Variants in MGRN1 observed in about 807,000 individuals in gnomAD.
The protein encoded by MGRN1 is mahogunin ring finger 1.
Under a neutral mutation model 69.2 loss-of-function variants are expected in MGRN1, and 29 were observed. The ratio of observed to expected loss-of-function variants is 0.42; its 90% CI spans 0.31 to 0.57. MGRN1 has a LOEUF of 0.57. MGRN1 is among the 20% of genes least tolerant of loss of function. The pLI is 0.15. For missense variants in MGRN1, 998 were observed against 796.2 expected, an observed-to-expected ratio of 1.25 and a Z score of -3.05; for synonymous variants, 470 against 344.2, an observed-to-expected ratio of 1.37 and a Z score of -4.04.
chr16:4,645,284 A>C (rs2078250937), intron 1 of MGRN1, among the ~76,000 whole-genome samples: 2 of 151,980 alleles, frequency 1.3e-5, no homozygotes, highest in Admixed American at 1.3e-4. Flanking sequence ...TGCCTCAGTG[A>C]GTGTCCTGAG....
chr16:4,632,683 C>T (rs573104523), intron 1 of MGRN1, among the ~76,000 whole-genome samples: 47 of 152,244 alleles, frequency 3.1e-4, no homozygotes, highest in African/African-American at 1.0e-3. Context: ...CATGAGCCAC[C>T]GTGCCGGGAC....
chr16:4,655,494 C>T (rs532388865), intron 4 of MGRN1, among the ~76,000 whole-genome samples: 74 of 152,084 alleles, frequency 4.9e-4, no homozygotes, highest in African/African-American at 1.6e-3. Context: ...GCCACTGTCC[C>T]CCTCTGTCAG....
At chr16:4,638,473 A>G (rs1355527220) in intron 1 of MGRN1, among the ~76,000 whole-genome samples, 2 of 151,544 alleles carry the variant, frequency 1.3e-5, no homozygotes, top group African/African-American at 4.9e-5. Flanking sequence ...TCAAAAAAAA[A>G]AATAAATAAA....
At chr16:4,631,574 T>G (rs914120358) in intron 1 of MGRN1, among the ~76,000 whole-genome samples, 1 of 152,228 alleles carries the variant, frequency 6.6e-6, no homozygotes, top group Non-Finnish European at 1.5e-5. Context: ...TCCATAGTGC[T>G]TAGACTGAGA....
At chr16:4,629,376 C>T (rs1421542446) in intron 1 of MGRN1, among the ~76,000 whole-genome samples, 1 of 152,056 alleles carries the variant, frequency 6.6e-6, no homozygotes, top group Non-Finnish European at 1.5e-5. Flanking sequence ...TTTTGAAGAG[C>T]AAAAGTTTTG....
intron 8 of MGRN1, 101 bp from the exon 9 acceptor site, chr16:4,671,290 G>A (rs762995812): frequency 1.1e-5 from 13 of 1,152,394 alleles, no homozygotes; most frequent in African/African-American, 9.1e-5. Flanking sequence ...CCCCTGGTAT[G>A]GAAGCCTGGT....
rs1317937317 is a variant in MGRN1 at position 4,673,492 on chromosome 16, C to T, written c.796-6C>T. ...GCTGCTGACCCACAAGCCCTTGTCC[C>T]GGCAGCCCTCGGACGACGAGAACAG... On this transcript the variant is annotated splice_region_variant and splice_polypyrimidine_tract_variant and intron_variant, in intron 9 of 16. Coordinates refer to ENST00000262370, the MANE Select transcript of MGRN1 (RefSeq NM_015246.4). 29 of 1,610,938 alleles carry T rather than the reference C, an allele frequency of 1.8e-5. No individual in the cohort carries two copies. Among genetic ancestry groups the T allele is most frequent in the East Asian group, 2.2e-5 (1 of 44,890 alleles).
At position 4,688,842 on chromosome 16, in the gene MGRN1, C is replaced by G; in HGVS notation, c.1665C>G (p.Ser555Arg). 6 of 1,554,694 alleles carry G rather than the reference C, an allele frequency of 3.9e-6. No individual in the cohort carries two copies. Among genetic ancestry groups the G allele is most frequent in the Non-Finnish European group, 5.2e-6 (6 of 1,148,822 alleles). ...CGGCCCACGGCCTCGCCACCACCAGCCCCACCTGGCCTCCACTTGGTGGCC... is the reference window on the plus strand; with the variant it reads ...CGGCCCACGGCCTCGCCACCACCAGGCCCACCTGGCCTCCACTTGGTGGCC... ...METAHGLATT[S>R]PTWPPLGGPS... Residue 555 changes from serine (S) to arginine (R), a missense_variant, in exon 17 of 17, where the codon AGC becomes AGG. Transcript: ENST00000262370.
At chr16:4,625,178 T>G in intron 1 of MGRN1, 130 bp downstream of exon 1, 1 of 890,614 alleles carries the variant, frequency 1.1e-6, no homozygotes, top group Middle Eastern at 3.7e-4. Context: ...ACCCCGAGCC[T>G]TCGCGCGGCC....
At chr16:4,683,077 GC>G in intron 14 of MGRN1, 131 bp downstream of exon 14, 1 of 1,492,480 alleles carries the variant, frequency 6.7e-7, no homozygotes, top group Non-Finnish European at 9.1e-7. Context: ...GCTGAGCTGC[GC>G]GGCTCCTTAG....
Position 4,657,226 on chromosome 16 carries a change from T to C in MGRN1, c.444-20T>C. ...CCTCTTCCTGCCGCAGCCTCACTGC[T>C]TGCTCCTGGCTCCCTGCAGATACAG... On this transcript the variant is annotated intron_variant, in intron 4 of 16. Coordinates refer to ENST00000262370, the MANE Select transcript of MGRN1 (RefSeq NM_015246.4). 1.2e-6 allele frequency: 2 copies of C among 1,609,122 alleles called. No homozygotes were observed. Among genetic ancestry groups the C allele is most frequent in the Non-Finnish European group, 8.5e-7 (1 of 1,175,784 alleles).
chr16:4,668,340 C>T, intron 8 of MGRN1, 28 bp downstream of exon 8: 1 of 1,611,706 alleles, frequency 6.2e-7, no homozygotes, highest in Non-Finnish European at 8.5e-7. Context: ...ATATGACGTG[C>T]TTGAATTAAA....
chr16:4,672,036 G>C (rs958711251), intron 9 of MGRN1, among the ~76,000 whole-genome samples: 4 of 152,312 alleles, frequency 2.6e-5, no homozygotes, highest in African/African-American at 9.6e-5. Flanking sequence ...CTCCTGAGTA[G>C]CTGGGACCAC....
At chr16:4,679,557 G>A (rs769366518) in intron 11 of MGRN1, among the ~76,000 whole-genome samples, 7 of 152,102 alleles carry the variant, frequency 4.6e-5, no homozygotes, top group Admixed American at 1.3e-4. Flanking sequence ...TGGGGTGGGT[G>A]GGTCTGGGGC....
intron 1 of MGRN1, chr16:4,635,015 G>A (rs1264559192): frequency 6.6e-6 from 1 of 152,262 alleles, no homozygotes; most frequent in African/African-American, 2.4e-5. Context: ...TGAGAGCCCA[G>A]ACTCCCAGGG....
chr16:4,672,031 G>T (rs1304359458), intron 9 of MGRN1, among the ~76,000 whole-genome samples: 2 of 152,028 alleles, frequency 1.3e-5, no homozygotes, highest in African/African-American at 4.8e-5. Context: ...TCAGCCTCCT[G>T]AGTAGCTGGG....
At chr16:4,685,953 A>T (rs1434299786) in intron 16 of MGRN1, among the ~76,000 whole-genome samples, 4 of 152,146 alleles carry the variant, frequency 2.6e-5, no homozygotes. Context: ...CCCCCCACCC[A>T]GGGCCTTCAC....
chr16:4,640,693 G>T (rs1022011731), intron 1 of MGRN1: 3 of 152,314 alleles, frequency 2.0e-5, no homozygotes, highest in African/African-American at 7.2e-5. Context: ...GCCCACAGGA[G>T]GATTTTCAGC....
Position 4,624,884 on chromosome 16 carries a change from A to G in MGRN1, c.-77A>G, listed in dbSNP as rs1897585352. 1 of 1,305,478 alleles carries G rather than the reference A, an allele frequency of 7.7e-7. No homozygotes were observed. The highest frequency in any genetic ancestry group is 1.0e-6 in the Non-Finnish European group (1 of 964,422). The allele number at this position is 1,305,478 out of a possible 1,614,324, so 80.9% of individuals were successfully genotyped here. On this transcript the variant is annotated 5_prime_UTR_variant, in exon 1 of 17. The change abolishes an upstream ATG in the 5' untranslated region. Transcript: ENST00000262370. ...GCGTCCGTGCGGCCTGGTCCGGGCC[A>G]TGTCCGCGTGAGGACCCCGCCGCTG...
Sources: allele counts gnomAD v4.1 joint callset (sites outside exome capture counted in the v4.1 genomes callset), GRCh38; gene constraint gnomAD v4.1.1; transcripts MANE v1.5; gene names NCBI Gene and HGNC (gene_info 2026-07-23, HGNC 2026-07-21).